The following DIAPH2 variants were observed in gnomAD, a reference collection of about 807,000 sequenced individuals.
The protein encoded by DIAPH2 is diaphanous related formin 2, also known as protein diaphanous homolog 2.
Under a neutral mutation model 92.7 loss-of-function variants are expected in DIAPH2, and 35 were observed. That is an observed-to-expected ratio of 0.38 (90% CI 0.29 to 0.50). The LOEUF is 0.50. Among genes scored for constraint, DIAPH2 ranks in the 20% least tolerant of loss-of-function variants. The pLI is 0.94. For synonymous variants in DIAPH2, 301 were observed against 280.4 expected, an observed-to-expected ratio of 1.07 and a Z score of -0.73; for missense variants, 701 against 819.5, an observed-to-expected ratio of 0.86 and a Z score of 1.77.
intron 25 of DIAPH2, among the ~76,000 whole-genome samples, chrX:97,420,815 C>T (rs1248168006): frequency 5.4e-5 from 6 of 111,581 alleles, no homozygotes; most frequent in Non-Finnish European, 7.5e-5. Flanking sequence ...TCCTCTTTTC[C>T]ATCTTGAAAG....
intron 4 of DIAPH2, among the ~76,000 whole-genome samples, chrX:96,844,257 G>T (rs2064956710): frequency 8.9e-6 from 1 of 112,228 alleles, no homozygotes; most frequent in African/African-American, 3.2e-5. Context: ...TCTAGCAATA[G>T]GCACCAAAAA....
At chrX:97,536,024 A>G (rs2071093266) in intron 26 of DIAPH2, among the ~76,000 whole-genome samples, 1 of 111,940 alleles carries the variant, frequency 8.9e-6, no homozygotes, top group African/African-American at 3.2e-5. Context: ...AAATGATACA[A>G]TTGCTTTATA....
chrX:96,976,103 C>T (rs1457970349), intron 17 of DIAPH2, among the ~76,000 whole-genome samples: 1 of 106,289 alleles, frequency 9.4e-6, no homozygotes, highest in Non-Finnish European at 1.9e-5. Flanking sequence ...CCTCGACCTC[C>T]CAGGGTCATG....
At chrX:96,727,838 A>G (rs1294086514) in intron 1 of DIAPH2, among the ~76,000 whole-genome samples, 1 of 109,873 alleles carries the variant, frequency 9.1e-6, no homozygotes, top group Non-Finnish European at 1.9e-5. Context: ...ACGAGGTCAG[A>G]AGTTCGAGAC....
chrX:96,702,678 G>A (rs2063862343), intron 1 of DIAPH2, among the ~76,000 whole-genome samples: 1 of 111,900 alleles, frequency 8.9e-6, no homozygotes, highest in Non-Finnish European at 1.9e-5. Context: ...GGCTGCTATA[G>A]CAAATTCCCA....
intron 19 of DIAPH2, among the ~76,000 whole-genome samples, chrX:97,093,813 T>A (rs745830564): frequency 8.9e-6 from 1 of 112,059 alleles, no homozygotes; most frequent in South Asian, 3.8e-4. Context: ...AGTAAATATA[T>A]CTGTGATCTT....
intron 4 of DIAPH2, among the ~76,000 whole-genome samples, chrX:96,833,371 G>A (rs1200261674): frequency 9.0e-6 from 1 of 110,766 alleles, no homozygotes; most frequent in Non-Finnish European, 1.9e-5. Flanking sequence ...TTTTTAATTA[G>A]TGTGTATTTA....
intron 17 of DIAPH2, among the ~76,000 whole-genome samples, chrX:97,004,223 A>G (rs1049259059): frequency 2.7e-5 from 3 of 111,294 alleles, no homozygotes; most frequent in Non-Finnish European, 5.7e-5. Flanking sequence ...AGGTAATATG[A>G]TTCTTCCAGT....
intron 26 of DIAPH2, among the ~76,000 whole-genome samples, chrX:97,598,926 T>G (rs2071573249): frequency 8.9e-6 from 1 of 112,352 alleles, no homozygotes; most frequent in African/African-American, 3.2e-5. Context: ...TGTATATAGA[T>G]CTTTTCAATT....
chrX:97,513,899 C>T (rs1602640563), intron 26 of DIAPH2, among the ~76,000 whole-genome samples: 1 of 102,358 alleles, frequency 9.8e-6, no homozygotes, highest in African/African-American at 3.7e-5. Flanking sequence ...TGATGGGCTT[C>T]CCTTTGAGGG....
intron 4 of DIAPH2, among the ~76,000 whole-genome samples, chrX:96,812,500 T>G (rs1044728512): frequency 9.0e-6 from 1 of 111,520 alleles, no homozygotes; most frequent in Non-Finnish European, 1.9e-5. Flanking sequence ...TTTTGAAGGG[T>G]ATTTTGTGTC....
chrX:97,098,614 G>T (rs1030090740), intron 19 of DIAPH2, among the ~76,000 whole-genome samples: 2 of 112,541 alleles, frequency 1.8e-5, no homozygotes, highest in African/African-American at 6.5e-5. Flanking sequence ...TAGTAGAGAT[G>T]GGGTTTCTCC....
chrX:96,982,315 T>C (rs1261734883), intron 17 of DIAPH2, among the ~76,000 whole-genome samples: 1 of 112,082 alleles, frequency 8.9e-6, no homozygotes, highest in Non-Finnish European at 1.9e-5. Context: ...AAGCAAAATA[T>C]GTGATGCATT....
At chrX:97,072,461 C>T in intron 17 of DIAPH2, among the ~76,000 whole-genome samples, 1 of 112,428 alleles carries the variant, frequency 8.9e-6, no homozygotes, top group African/African-American at 3.2e-5. Flanking sequence ...AACTATTCTT[C>T]AAAACAGTCT....
intron 1 of DIAPH2, among the ~76,000 whole-genome samples, chrX:96,711,170 A>G (rs1383568404): frequency 7.2e-5 from 8 of 111,835 alleles, no homozygotes; most frequent in Admixed American, 5.7e-4. Context: ...TGTCCTTTTC[A>G]TATAATGACT....
intron 4 of DIAPH2, among the ~76,000 whole-genome samples, chrX:96,861,655 C>T (rs1176379564): frequency 1.8e-5 from 2 of 111,925 alleles, no homozygotes; most frequent in Admixed American, 9.5e-5. Flanking sequence ...AGTGATTTCA[C>T]TTCGCTGGAT....
chrX:97,224,829 C>T (rs1023150012), intron 22 of DIAPH2, among the ~76,000 whole-genome samples: 17 of 111,392 alleles, frequency 1.5e-4, no homozygotes, highest in African/African-American at 5.5e-4. Flanking sequence ...CATTCTATCA[C>T]CTTTATGATA....
At position 97,022,682 on chromosome X, in the gene DIAPH2, C is replaced by T. The variant is rs1039296853; in HGVS notation, c.2051-50259C>T. Among the ~76,000 whole-genome samples, 42 of 112,022 alleles carry T rather than the reference C, an allele frequency of 3.7e-4. 1 individual carries two copies. The highest frequency in any genetic ancestry group is 1.3e-3 in the African/African-American group (39 of 30,894). On this transcript the variant is annotated intron_variant, in intron 17 of 26. Coordinates refer to ENST00000324765, the MANE Select transcript of DIAPH2 (RefSeq NM_006729.5). ...AAATTATTGTCATCTGGAATTCTGA[C>T]ATCCCAAGATAATTATTTTTAACTT... is the stretch of plus-strand genomic sequence containing the variant.
rs141684957 is a variant in DIAPH2, at chrX:97,094,325, A to G, written c.2248-5369A>G. On this transcript the variant is annotated intron_variant, in intron 19 of 26. Coordinates refer to ENST00000324765, the MANE Select transcript of DIAPH2 (RefSeq NM_006729.5). ...TCTGAATGTTAAATGTCAGAGTTTC[A>G]AATCATTTCTTTAGGATATGTTTCT... 5.9e-3 allele frequency among the ~76,000 whole-genome samples: 666 copies of G among 111,961 alleles called. 5 individuals are homozygous for G. The highest frequency in any genetic ancestry group is 0.021 in the African/African-American group (635 of 30,795).
Sources: allele counts gnomAD v4.1 joint callset (sites outside exome capture counted in the v4.1 genomes callset), GRCh38; gene constraint gnomAD v4.1.1; transcripts MANE v1.5; gene names NCBI Gene and HGNC (gene_info 2026-07-23, HGNC 2026-07-21).